EPHA2: variants seen among roughly 807,000 people sequenced by gnomAD.
The protein encoded by EPHA2 is EPH receptor A2.
A neutral mutation model predicts 104.9 loss-of-function variants in EPHA2; 54 were observed. The observed-to-expected ratio is 0.51, with a 90% CI of 0.41 to 0.65. EPHA2 has a LOEUF of 0.65. Among genes scored for constraint, EPHA2 ranks in the 30% least tolerant of loss-of-function variants. The pLI is 0.00. For synonymous variants in EPHA2, 560 were observed against 559.1 expected (o/e 1.00, Z -0.02); for missense variants, 1,117 against 1,369.5 (o/e 0.82, Z 2.91).
chr1:16,152,225 G>T (rs2025052818), intron 1 of EPHA2, among the ~76,000 whole-genome samples: 1 of 152,220 alleles, frequency 6.6e-6, no homozygotes, highest in Middle Eastern at 3.2e-3. Context: ...AGGACTCAAA[G>T]GGTGGACAGA....
At position 16,131,707 on chromosome 1, in the gene EPHA2, G is replaced by A. The variant is rs777022300; in HGVS notation, c.2475+14C>T. 115 of 1,613,736 alleles carry A rather than the reference G, an allele frequency of 7.1e-5. No homozygotes were observed. In the South Asian group the frequency reaches 9.9e-4, roughly 14 times the overall value. Reference sequence around the variant, plus strand: ...TCAGGTCCGGACAGGCCTGGGGAGGGCAAGGGCACCCACCTCGTGGTTGGA... The same window carrying A: ...TCAGGTCCGGACAGGCCTGGGGAGGACAAGGGCACCCACCTCGTGGTTGGA... On this transcript the variant is annotated intron_variant, in intron 14 of 16. Transcript: ENST00000358432. The surrounding 1 kb of genome is among the most constrained non-coding windows in gnomAD (Gnocchi z 5.2).
Position 16,141,710 on chromosome 1 carries a change from C to T in EPHA2, c.824-3280G>A, listed in dbSNP as rs527408387. 5.3e-5 allele frequency among the ~76,000 whole-genome samples: 8 copies of T among 152,356 alleles called. 1 individual carries two copies. In the South Asian group the frequency reaches 1.7e-3, roughly 32 times the overall value. On this transcript the variant is annotated intron_variant, in intron 3 of 16. Coordinates refer to ENST00000358432, the MANE Select transcript of EPHA2 (RefSeq NM_004431.5). ...CCCCACCGTGTGGCTGCTTCTATGC[C>T]AAGAGGAGGAAGTGGGGGAAGAGAT...
chr1:16,146,032 C>T (rs914977849), intron 3 of EPHA2, among the ~76,000 whole-genome samples: 3 of 152,156 alleles, frequency 2.0e-5, no homozygotes, highest in Admixed American at 6.5e-5. Context: ...TCTACGGTAG[C>T]GACTGTCATC....
chr1:16,131,942 C>T lies in EPHA2; in HGVS notation c.2326-72G>A, dbSNP rs576970731. On this transcript the variant is annotated intron_variant, in intron 13 of 16. Transcript: ENST00000358432. The surrounding 1 kb of genome is among the most constrained non-coding windows in gnomAD (Gnocchi z 5.2). ...CCAGGACCATTGCAGCCAAGCCCCA[C>T]GACCCCTCCCTGGACTCCTACAGGT... is the stretch of plus-strand genomic sequence containing the variant. 2.8e-5 allele frequency: 45 copies of T among 1,598,638 alleles called. No individual in the cohort carries two copies. Among genetic ancestry groups the T allele is most frequent in the South Asian group, 8.9e-5 (8 of 89,726 alleles).
Position 16,150,914 on chromosome 1 carries a change from T to C in EPHA2, c.135A>G (p.Thr45=). The change falls in exon 2 of 17, where the codon ACA becomes ACG. Residue 45 remains threonine, a synonymous_variant. Coordinates refer to ENST00000358432, the MANE Select transcript of EPHA2 (RefSeq NM_004431.5). This position sits in a 1 kb window ranked among gnomAD's most constrained non-coding sequence, Gnocchi z 4.8. ...AAAGGELGWL[T]HPYGKGWDLM... ...TACATACCCCTTTGCCATACGGGTG[T>C]GTGAGCCAGCCGAGCTCCCCTCCAG... is the stretch of plus-strand genomic sequence containing the variant. The C allele has an allele frequency of 6.2e-7, 1 of 1,614,024 alleles. No homozygotes were observed. The highest frequency in any genetic ancestry group is 8.5e-7 in the Non-Finnish European group (1 of 1,179,992).
chr1:16,142,500 T>A (rs980231833), intron 3 of EPHA2, among the ~76,000 whole-genome samples: 1 of 152,076 alleles, frequency 6.6e-6, no homozygotes, highest in South Asian at 2.1e-4. Context: ...GATGGATGGA[T>A]GGATAGATGG....
rs746209886 is a variant in EPHA2 at position 16,133,566 on chromosome 1, T to A, written c.1779A>T (p.Thr593=). 4.3e-6 allele frequency: 7 copies of A among 1,614,084 alleles called. 1 individual carries two copies. The South Asian group carries it at 7.7e-5, about 18-fold the overall frequency. ...ACACAGCCTGGTTGGGGTCCTCATA[T>A]GTGTGGGGGTCCACGTATGTCTTCA... ...KPLKTYVDPH[T]YEDPNQAVLK... is the part of the protein sequence containing the mutation. Residue 593 remains threonine, a synonymous_variant, in exon 10 of 17, where the codon ACA becomes ACT. Transcript: ENST00000358432.
chr1:16,144,621 C>T (rs775054625), intron 3 of EPHA2, among the ~76,000 whole-genome samples: 2 of 152,332 alleles, frequency 1.3e-5, no homozygotes, highest in South Asian at 4.1e-4. Context: ...AGACTGAGCC[C>T]CAGTGGGAAA....
intron 8 of EPHA2, 75 bp from the exon 9 acceptor site, chr1:16,133,990 C>T: frequency 6.8e-7 from 1 of 1,472,784 alleles, no homozygotes; most frequent in African/African-American, 1.4e-5. Context: ...CCTCCTGGCC[C>T]TACTTTGGTC....
At position 16,150,687 on chromosome 1, in the gene EPHA2, C is replaced by T. The variant is rs1431213862; in HGVS notation, c.153+209G>A. On this transcript the variant is annotated intron_variant, in intron 2 of 16. Coordinates refer to ENST00000358432, the MANE Select transcript of EPHA2 (RefSeq NM_004431.5). The surrounding 1 kb of genome is among the most constrained non-coding windows in gnomAD (Gnocchi z 4.8). ...CCCCCACCTCTCAGGCTTACACCCA[C>T]ACCCTCGTACCTTCCCACGCCCATC... 1.3e-5 allele frequency among the ~76,000 whole-genome samples: 2 copies of T among 152,222 alleles called. No individual in the cohort carries two copies. The highest frequency in any genetic ancestry group is 1.9e-4 in the East Asian group (1 of 5,186).
rs562063397 is a variant in EPHA2, at chr1:16,138,363, C to A, written c.891G>T (p.Thr297=). ...AGGTGGCACCCTCAGGGGATGGCAGCGTGTGCTCAGGGCACTCCAAGCAGG... is the reference window on the plus strand; with the variant it reads ...AGGTGGCACCCTCAGGGGATGGCAGAGTGTGCTCAGGGCACTCCAAGCAGG... ...ESPCLECPEH[T]LPSPEGATSC... The change falls in exon 4 of 17, where the codon ACG becomes ACT. Residue 297 remains threonine, a synonymous_variant. Transcript: ENST00000358432. 11 of 1,613,892 alleles carry A rather than the reference C, an allele frequency of 6.8e-6. No individual in the cohort carries two copies. In the African/African-American group the frequency reaches 1.5e-4, roughly 22 times the overall value.
Position 16,134,368 on chromosome 1 carries a change from A to G in EPHA2, c.1682+100T>C. 1 of 1,262,544 alleles carries G rather than the reference A, an allele frequency of 7.9e-7. No homozygotes were observed. The highest frequency in any genetic ancestry group is 1.1e-6 in the Non-Finnish European group (1 of 877,376). The allele number at this position is 1,262,544 out of a possible 1,614,324, so 78.2% of individuals were successfully genotyped here. On this transcript the variant is annotated intron_variant, in intron 8 of 16. Transcript: ENST00000358432. This position sits in a 1 kb window ranked among gnomAD's most constrained non-coding sequence, Gnocchi z 4.5. ...CCGGAGGCAGGGATTAGACTCGACT[A>G]GCATCCTGTGGGCCCCATCGTTCAG... is the stretch of plus-strand genomic sequence containing the variant.
rs757627756 is a variant in EPHA2, at chr1:16,133,476, C to G, written c.1864+5G>C. 12 of 1,614,000 alleles carry G rather than the reference C, an allele frequency of 7.4e-6. No individual in the cohort carries two copies. Among genetic ancestry groups the G allele is most frequent in the Non-Finnish European group, 9.3e-6 (11 of 1,179,994 alleles). ...CAGGGCCCCTTGGCAGGGGGCCAACCTCACCTGCTCCGATCACCTTCTGCC... is the reference window on the plus strand; with the variant it reads ...CAGGGCCCCTTGGCAGGGGGCCAACGTCACCTGCTCCGATCACCTTCTGCC... On this transcript the variant is annotated splice_donor_5th_base_variant and intron_variant, in intron 10 of 16. Transcript: ENST00000358432.
chr1:16,152,073 G>A (rs939041359), intron 1 of EPHA2, among the ~76,000 whole-genome samples: 3 of 152,212 alleles, frequency 2.0e-5, no homozygotes, highest in South Asian at 4.1e-4. Context: ...AGGAGAAACC[G>A]GGGCATAGAA....
chr1:16,146,172 C>G (rs966115834), intron 3 of EPHA2, among the ~76,000 whole-genome samples: 1 of 152,202 alleles, frequency 6.6e-6, no homozygotes, highest in African/African-American at 2.4e-5. Context: ...GTGGGAGGAT[C>G]CCGAGGAGGA....
intron 11 of EPHA2, 131 bp from the exon 12 acceptor site, chr1:16,132,570 G>A: frequency 2.1e-6 from 2 of 932,368 alleles, no homozygotes; most frequent in Non-Finnish European, 3.4e-6. Flanking sequence ...TGGAACAGGT[G>A]TGGGGAGGGT....
intron 2 of EPHA2, among the ~76,000 whole-genome samples, chr1:16,149,849 C>T (rs1445240400): frequency 3.3e-5 from 5 of 152,162 alleles, no homozygotes; most frequent in East Asian, 3.9e-4. Context: ...TCCTGTGTCC[C>T]GAGAGCCGGC....
chr1:16,130,492 AG>A lies in EPHA2; in HGVS notation c.2476-74del, dbSNP rs960748484. On this transcript the variant is annotated intron_variant, in intron 14 of 16. Coordinates refer to ENST00000358432, the MANE Select transcript of EPHA2 (RefSeq NM_004431.5). This position sits in a 1 kb window ranked among gnomAD's most constrained non-coding sequence, Gnocchi z 4.5. ...ACCCTCTGCAGCCTCCAGCCTATGG[AG>A]GTGGGCAGGGGAGGGGAGGGGAACA... The A allele has an allele frequency of 5.6e-6, 8 of 1,438,132 alleles. No individual in the cohort carries two copies. Among genetic ancestry groups the A allele is most frequent in the Non-Finnish European group, 6.5e-6 (7 of 1,077,212 alleles). 89.1% of individuals were successfully genotyped at this position (1,438,132 alleles called of 1,614,324 possible).
chr1:16,133,179 C>T lies in EPHA2; in HGVS notation c.2053+1G>A, dbSNP rs2124205079. ...CAGTGTGGGCAGGCCCCAAGCCTCA[C>T]ATTTGGAGATGACGCCCTCTAGGCG... On this transcript the variant is annotated splice_donor_variant, in intron 11 of 16. Transcript: ENST00000358432. LOFTEE classifies it high-confidence loss of function. 6.2e-7 allele frequency: 1 copy of T among 1,613,326 alleles called. No individual in the cohort carries two copies. The highest frequency in any genetic ancestry group is 8.5e-7 in the Non-Finnish European group (1 of 1,179,858).
Sources: allele counts gnomAD v4.1 joint callset (sites outside exome capture counted in the v4.1 genomes callset), GRCh38; gene constraint gnomAD v4.1.1; non-coding constraint Gnocchi (gnomAD v3.1); transcripts MANE v1.5; gene names NCBI Gene and HGNC (gene_info 2026-07-23, HGNC 2026-07-21).